SLC17A2: variants seen among roughly 807,000 people sequenced by gnomAD.
SLC17A2 encodes the protein solute carrier family 17 member 2, also known as sodium-dependent phosphate transport protein 3.
Under a neutral mutation model 52.1 loss-of-function variants are expected in SLC17A2, and 38 were observed. That is an observed-to-expected ratio of 0.73 (90% CI 0.56 to 0.96). The LOEUF (loss-of-function observed/expected upper bound fraction) is 0.96. SLC17A2 is among the 40% of genes least tolerant of loss of function. SLC17A2 has a pLI of 0.00. For missense variants in SLC17A2, 508 were observed against 583.9 expected (o/e 0.87, Z 1.34); for synonymous variants, 226 against 211.9 (o/e 1.07, Z -0.58).
chr6:25,919,724 A>G (rs1766477470), intron 5 of SLC17A2, among the ~76,000 whole-genome samples: 1 of 150,518 alleles, frequency 6.6e-6, no homozygotes, highest in African/African-American at 2.4e-5. Flanking sequence ...AAAAAAAAAA[A>G]AAAGGTTTAG....
chr6:25,917,954 C>G (rs1766393351), intron 6 of SLC17A2, among the ~76,000 whole-genome samples: 1 of 152,074 alleles, frequency 6.6e-6, no homozygotes, highest in Non-Finnish European at 1.5e-5. Flanking sequence ...ACCAACATAA[C>G]CTAGAGAGGA....
intron 11 of SLC17A2, among the ~76,000 whole-genome samples, chr6:25,913,780 T>TTTGTTG (rs10694405): frequency 0.014 from 2,064 of 149,586 alleles, 28 homozygotes; most frequent in Non-Finnish European, 0.02. Context: ...TCTGTTTTTT[T>TTTGTTG]TTGTTGTTGT....
chr6:25,917,388 A>G lies in SLC17A2; in HGVS notation c.650-301T>C, dbSNP rs116910621. Among the ~76,000 whole-genome samples the G allele has an allele frequency of 1.1e-3, 167 of 152,352 alleles. 1 individual carries two copies. In the South Asian group the frequency reaches 0.023, roughly 21 times the overall value. On this transcript the variant is annotated intron_variant, in intron 6 of 11. Transcript: ENST00000377850. ...TAAAGTCTCCAATGATTACAGTGTTATGTATTTTAGGCAGCAACTTCTTAA... is the reference window on the plus strand; with the variant it reads ...TAAAGTCTCCAATGATTACAGTGTTGTGTATTTTAGGCAGCAACTTCTTAA...
chr6:25,914,499 C>T (rs1332302222), intron 11 of SLC17A2, 81 bp downstream of exon 11: 1 of 880,702 alleles, frequency 1.1e-6, no homozygotes, highest in Non-Finnish European at 1.9e-6. Context: ...TGTTGCCATC[C>T]AGATCTTTAG....
intron 2 of SLC17A2, among the ~76,000 whole-genome samples, chr6:25,924,291 T>C (rs1359110992): frequency 6.6e-6 from 1 of 152,218 alleles, no homozygotes; most frequent in African/African-American, 2.4e-5. Context: ...AAGTGAATAG[T>C]CCCATCTGTT....
In SLC17A2 at chr6:25,915,149, G is replaced by GTATATATATATATATATATATATATA. The variant is rs59580107; in HGVS notation, c.1211+324_1211+349dup. ...GCACAGGAGCTGGCTTATTGTGACT[G>GTATATATATATATATATATATATATA]TATATATATATATATATATATATAT... is the stretch of plus-strand genomic sequence containing the variant. On this transcript the variant is annotated intron_variant, in intron 10 of 11. Coordinates refer to ENST00000377850, the MANE Select transcript of SLC17A2 (RefSeq NM_001286123.3). Among the ~76,000 whole-genome samples, 204 of 57,812 alleles carry GTATATATATATATATATATATATATA rather than the reference G, an allele frequency of 3.5e-3. 17 individuals carry two copies. The highest frequency in any genetic ancestry group is 4.5e-3 in the Non-Finnish European group (111 of 24,560). 37.9% of individuals were successfully genotyped at this position (57,812 alleles called of 152,430 possible).
In SLC17A2 at chr6:25,930,416, T is replaced by C. The variant is rs1766909450; in HGVS notation, c.-223A>G. ...TTTGGAATTAGGCAATATTACCAGA[T>C]GGAGATCCTTATGTTGCTGTTAATG... On this transcript the variant is annotated 5_prime_UTR_variant, in exon 1 of 12. Transcript: ENST00000377850. 1 of 152,236 alleles carries C rather than the reference T, an allele frequency of 6.6e-6. No individual in the cohort carries two copies. Among genetic ancestry groups the C allele is most frequent in the African/African-American group, 2.4e-5 (1 of 41,466 alleles). The allele number at this position is 152,236 out of a possible 1,614,324, so 9.4% of individuals were successfully genotyped here.
rs570857446 is a variant in SLC17A2 at position 25,914,414 on chromosome 6, G to A, written c.1302+166C>T. 184 of 603,276 alleles carry A rather than the reference G, an allele frequency of 3.1e-4. 1 individual carries two copies. The highest frequency in any genetic ancestry group is 1.9e-3 in the South Asian group (92 of 49,356). The allele number at this position is 603,276 out of a possible 1,614,324, so 37.4% of individuals were successfully genotyped here. On this transcript the variant is annotated intron_variant, in intron 11 of 11. Coordinates refer to ENST00000377850, the MANE Select transcript of SLC17A2 (RefSeq NM_001286123.3). ...ACATCTATTCATCTTGAGAAAATAAGCTTATATTTTTCTTCCTCTGGGAAA... is the reference window on the plus strand; with the variant it reads ...ACATCTATTCATCTTGAGAAAATAAACTTATATTTTTCTTCCTCTGGGAAA...
At chr6:25,929,871 A>G (rs1274083564) in intron 1 of SLC17A2, among the ~76,000 whole-genome samples, 4 of 152,154 alleles carry the variant, frequency 2.6e-5, no homozygotes, top group African/African-American at 7.2e-5. Context: ...TATGATCTCA[A>G]CTACTGCAAC....
intron 8 of SLC17A2, among the ~76,000 whole-genome samples, 196 bp downstream of exon 8, chr6:25,916,489 C>G (rs565149609): frequency 6.6e-6 from 1 of 152,086 alleles, no homozygotes; most frequent in African/African-American, 2.4e-5. Context: ...TATTGTGCAA[C>G]CTGGGGCAAG....
At chr6:25,926,804 C>T (rs1264099783) in intron 1 of SLC17A2, among the ~76,000 whole-genome samples, 1 of 152,156 alleles carries the variant, frequency 6.6e-6, no homozygotes, top group African/African-American at 2.4e-5. Context: ...CAGTGGCTCA[C>T]ACCTGTAATC....
chr6:25,914,714 C>T (rs1259646232), intron 10 of SLC17A2, 44 bp from the exon 11 acceptor site: 1 of 1,223,550 alleles, frequency 8.2e-7, no homozygotes, highest in Non-Finnish European at 1.2e-6. Flanking sequence ...TAGAAAGCCA[C>T]CTACAGCTTC....
chr6:25,918,336 G>C, intron 6 of SLC17A2, 151 bp downstream of exon 6: 4 of 607,244 alleles, frequency 6.6e-6, no homozygotes, highest in Non-Finnish European at 1.2e-5. Flanking sequence ...TGTGTGACTA[G>C]ATTAAAAATG....
At position 25,921,200 on chromosome 6, in the gene SLC17A2, C is replaced by A; in HGVS notation, c.453G>T (p.Arg151=). 1.2e-6 allele frequency: 2 copies of A among 1,614,120 alleles called. No individual in the cohort carries two copies. Among genetic ancestry groups the A allele is most frequent in the East Asian group, 2.2e-5 (1 of 44,878 alleles). ...ATACCTGGGCCATGCCCTGGACTGT[C>A]CGAACCATGATGACCAAAATCACTC... ...DFGVILVIMV[R]TVQGMAQGMA... is the part of the protein sequence containing the mutation. The change falls in exon 4 of 12, where the codon CGG becomes CGT. Residue 151 remains arginine, a synonymous_variant. Transcript: ENST00000377850.
intron 11 of SLC17A2, 82 bp downstream of exon 11, chr6:25,914,498 C>G (rs769891345): frequency 2.3e-6 from 2 of 871,576 alleles, no homozygotes; most frequent in South Asian, 2.8e-5. Flanking sequence ...GTGTTGCCAT[C>G]CAGATCTTTA....
At position 25,921,188 on chromosome 6, in the gene SLC17A2, G is replaced by A. The variant is rs145380839; in HGVS notation, c.465C>T (p.Gly155=). 2.1e-4 allele frequency: 334 copies of A among 1,614,090 alleles called. 1 individual carries two copies. The African/African-American group carries it at 3.1e-3, about 15-fold the overall frequency. ...ILVIMVRTVQ[G]MAQGMAWTGQ... ...GAAAGTATCTGGATACCTGGGCCATGCCCTGGACTGTCCGAACCATGATGA... is the reference window on the plus strand; with the variant it reads ...GAAAGTATCTGGATACCTGGGCCATACCCTGGACTGTCCGAACCATGATGA... The change falls in exon 4 of 12, where the codon GGC becomes GGT. Residue 155 remains glycine, a synonymous_variant. Coordinates refer to ENST00000377850, the MANE Select transcript of SLC17A2 (RefSeq NM_001286123.3).
chr6:25,915,506 C>A lies in SLC17A2; in HGVS notation c.1204G>T (p.Ala402Ser), dbSNP rs757224207. ...AACAGGTAGAGCTCTTACCTGGGGG[C>A]GATATCTAAGGTGTTGATGATAAAC... ...SGFIINTLDI[A>S]PRYASFLMGI... The change falls in exon 10 of 12, where the codon GCC becomes TCC. Residue 402 changes from alanine (A) to serine (S), a missense_variant. By Grantham distance (99) the Ala-to-Ser change is moderately conservative. Transcript: ENST00000377850. 1 of 1,550,722 alleles carries A rather than the reference C, an allele frequency of 6.4e-7. No homozygotes were observed.
At position 25,921,431 on chromosome 6, in the gene SLC17A2, A is replaced by C. The variant is rs1472186614; in HGVS notation, c.241-19T>G. ...CAGAGGCCTGGGGGAAAAATAGGAA[A>C]ACTCTTTGTCAAGAAGTCCTATTAT... is the stretch of plus-strand genomic sequence containing the variant. On this transcript the variant is annotated intron_variant, in intron 3 of 11. Transcript: ENST00000377850. The C allele has an allele frequency of 6.4e-7, 1 of 1,566,130 alleles. No homozygotes were observed. Among genetic ancestry groups the C allele is most frequent in the South Asian group, 1.1e-5 (1 of 90,004 alleles).
chr6:25,921,302 T>TC lies in SLC17A2; in HGVS notation c.350dup (p.Ala118SerfsTer24), dbSNP rs1766549652. Reference sequence around the variant, plus strand: ...AACCAGCACCAAGCATTTTTTTTGCTCCAAATATCCCTGCTAAATATCCAC... The same window carrying TC: ...AACCAGCACCAAGCATTTTTTTTGCTCCCAAATATCCCTGCTAAATATCCAC... On this transcript the variant is annotated frameshift_variant, in exon 4 of 12. Coordinates refer to ENST00000377850, the MANE Select transcript of SLC17A2 (RefSeq NM_001286123.3). LOFTEE classifies it high-confidence loss of function. The TC allele has an allele frequency of 6.2e-7, 1 of 1,614,016 alleles. No homozygotes were observed.
Sources: gnomAD v4.1 joint callset for allele counts (sites outside exome capture counted in the v4.1 genomes callset) on GRCh38, gnomAD v4.1.1 for gene constraint, MANE v1.5 for transcripts, NCBI Gene and HGNC (gene_info 2026-07-23, HGNC 2026-07-21) for gene names.